TRMT61B: variants seen among roughly 807,000 people sequenced by gnomAD.
The protein encoded by TRMT61B is tRNA (adenine(58)-N(1))-methyltransferase, mitochondrial.
In TRMT61B, 56 loss-of-function variants were observed where a neutral mutation model predicts 52.0. The observed-to-expected ratio is 1.08, with a 90% CI of 0.87 to 1.35. TRMT61B has a LOEUF of 1.35. Ranked by LOEUF, TRMT61B falls within the 40% of genes most tolerant of loss-of-function variation. The probability of loss-of-function intolerance (pLI) is 0.00; values close to 1 mark genes in which losing one functional copy is unlikely to be tolerated. For missense variants in TRMT61B, 650 were observed against 577.9 expected (o/e 1.12, Z -1.28); for synonymous variants, 206 against 220.0 (o/e 0.94, Z 0.56).
chr2:28,866,345 CT>C (rs1269799910), intron 1 of TRMT61B, among the ~76,000 whole-genome samples: 1 of 152,174 alleles, frequency 6.6e-6, no homozygotes, highest in East Asian at 1.9e-4. Flanking sequence ...GGTCCCCAAC[CT>C]TTTGGGCACT....
chr2:28,857,036 C>T (rs546602109), intron 3 of TRMT61B, among the ~76,000 whole-genome samples: 8 of 151,528 alleles, frequency 5.3e-5, no homozygotes, highest in African/African-American at 1.2e-4. Flanking sequence ...TGGGTTCCAG[C>T]GATCCTCCTA....
rs1363055167 is a variant in TRMT61B at position 28,870,088 on chromosome 2, C to A, written c.190G>T (p.Ala64Ser). Residue 64 changes from alanine (A) to serine (S), a missense_variant, in exon 1 of 7, where the codon GCA becomes TCA. Physicochemically the swap from Ala to Ser is moderately conservative, Grantham distance 99 (BLOSUM62 1). Coordinates refer to ENST00000306108, the MANE Select transcript of TRMT61B (RefSeq NM_017910.4). ...HEAAQRKAPG[A>S]ESCPSLPLSI... The stretch of plus-strand genomic sequence containing the variant: ...AGAGGGAGAGATGGGCAAGACTCTG[C>A]TCCTGGGGCTTTCCTTTGTGCCGCC... The A allele has an allele frequency of 6.2e-7, 1 of 1,613,994 alleles. No individual in the cohort carries two copies. Among genetic ancestry groups the A allele is most frequent in the Non-Finnish European group, 8.5e-7 (1 of 1,179,982 alleles).
chr2:28,867,762 A>G (rs1572557417), intron 1 of TRMT61B, among the ~76,000 whole-genome samples: 1 of 152,166 alleles, frequency 6.6e-6, no homozygotes, highest in Non-Finnish European at 1.5e-5. Flanking sequence ...TTTCTTCAAG[A>G]GCTTATGATA....
rs536361068 is a variant in TRMT61B at position 28,861,065 on chromosome 2, CT to C, written c.993+52del. The stretch of plus-strand genomic sequence containing the variant: ...TGCCCATACAAAAGAAGCCTGACCC[CT>C]ATCTTCTTTATAGTCAAAGTAATAA... On this transcript the variant is annotated intron_variant, in intron 3 of 6. Transcript: ENST00000306108. 919 of 1,461,586 alleles carry C rather than the reference CT, an allele frequency of 6.3e-4. 9 individuals carry two copies. The African/African-American group carries it at 0.012, about 19-fold the overall frequency. 90.5% of individuals were successfully genotyped at this position (1,461,586 alleles called of 1,614,324 possible).
intron 1 of TRMT61B, among the ~76,000 whole-genome samples, chr2:28,869,054 T>C (rs1313542015): frequency 1.3e-5 from 2 of 152,212 alleles, no homozygotes; most frequent in South Asian, 2.1e-4. Flanking sequence ...TAATAAAGAA[T>C]AGTCATTTTA....
intron 1 of TRMT61B, among the ~76,000 whole-genome samples, chr2:28,868,670 G>T (rs1669950678): frequency 6.6e-6 from 1 of 152,214 alleles, no homozygotes; most frequent in Non-Finnish European, 1.5e-5. Flanking sequence ...TCTACTCAAG[G>T]ACTGTGACTA....
chr2:28,863,344 T>C (rs1222860124), intron 2 of TRMT61B, among the ~76,000 whole-genome samples: 1 of 150,704 alleles, frequency 6.6e-6, no homozygotes, highest in African/African-American at 2.4e-5. Flanking sequence ...GACGACAGGA[T>C]CACTTGAGTT....
At chr2:28,867,502 T>C (rs1200841177) in intron 1 of TRMT61B, among the ~76,000 whole-genome samples, 1 of 152,104 alleles carries the variant, frequency 6.6e-6, no homozygotes, top group Non-Finnish European at 1.5e-5. Context: ...GTTGTAGAAG[T>C]TGAAGTAAAA....
intron 2 of TRMT61B, among the ~76,000 whole-genome samples, chr2:28,864,730 TG>T (rs1669755466): frequency 2.6e-5 from 4 of 152,158 alleles, no homozygotes; most frequent in African/African-American, 9.7e-5. Flanking sequence ...CACACTTTTC[TG>T]TAGCCATATT....
chr2:28,862,281 A>G (rs1306975528), intron 2 of TRMT61B, among the ~76,000 whole-genome samples: 1 of 150,440 alleles, frequency 6.6e-6, no homozygotes, highest in African/African-American at 2.4e-5. Context: ...TATCTGTATC[A>G]ATCTAAAAAG....
At chr2:28,853,206 C>T (rs1363175874) in intron 3 of TRMT61B, among the ~76,000 whole-genome samples, 3 of 150,390 alleles carry the variant, frequency 2.0e-5, no homozygotes, top group Non-Finnish European at 3.0e-5. Flanking sequence ...GACAGGGTCT[C>T]GCTCTGTTGA....
intron 1 of TRMT61B, among the ~76,000 whole-genome samples, chr2:28,867,030 C>G (rs1452793765): frequency 6.6e-6 from 1 of 152,162 alleles, no homozygotes; most frequent in Middle Eastern, 3.4e-3. Context: ...AACTCCTAGC[C>G]TCCAGCAATC....
At chr2:28,851,978 A>G (rs1480301583) in intron 4 of TRMT61B, among the ~76,000 whole-genome samples, 1 of 151,746 alleles carries the variant, frequency 6.6e-6, no homozygotes, top group Non-Finnish European at 1.5e-5. Context: ...TCATTTTAAA[A>G]CAGTTGTATA....
In TRMT61B at chr2:28,862,204, CAAAAAAAAAAA is replaced by C. The variant is rs66527180; in HGVS notation, c.803-907_803-897del. On this transcript the variant is annotated intron_variant, in intron 2 of 6. Coordinates refer to ENST00000306108, the MANE Select transcript of TRMT61B (RefSeq NM_017910.4). ...TGGGTGACAGTGCAAGACTCCGTCTCAAAAAAAAAAAAAAAAAAAAAAAGAATACCTGTATC... is the reference window on the plus strand; with the variant it reads ...TGGGTGACAGTGCAAGACTCCGTCTCAAAAAAAAAAAAGAATACCTGTATC... Among the ~76,000 whole-genome samples the C allele has an allele frequency of 2.9e-3, 191 of 65,478 alleles. 1 individual carries two copies. Among genetic ancestry groups the C allele is most frequent in the Non-Finnish European group, 4.3e-3 (156 of 36,634 alleles). 43.0% of individuals were successfully genotyped at this position (65,478 alleles called of 152,430 possible).
chr2:28,861,261 G>A lies in TRMT61B; in HGVS notation c.850C>T (p.His284Tyr). ...TTGTAATTCTTCTTAGCCAGATCAT[G>A]GTGGTCTTTTCGTACCTCAAAACTT... ...VISFEVRKDH[H>Y]DLAKKNYKHW... Residue 284 changes from histidine (H) to tyrosine (Y), a missense_variant, in exon 3 of 7, where the codon CAT becomes TAT. By Grantham distance (83) the His-to-Tyr change is moderately conservative. Transcript: ENST00000306108. The A allele has an allele frequency of 6.2e-7, 1 of 1,610,736 alleles. No homozygotes were observed. Among genetic ancestry groups the A allele is most frequent in the East Asian group, 2.2e-5 (1 of 44,708 alleles).
intron 2 of TRMT61B, among the ~76,000 whole-genome samples, chr2:28,863,674 G>T (rs1003841415): frequency 6.6e-6 from 1 of 152,148 alleles, no homozygotes; most frequent in Non-Finnish European, 1.5e-5. Flanking sequence ...ATGAGAAAAT[G>T]ACTGCCTTTA....
chr2:28,860,449 C>G (rs931554005), intron 3 of TRMT61B, among the ~76,000 whole-genome samples: 2 of 152,076 alleles, frequency 1.3e-5, no homozygotes, highest in African/African-American at 4.8e-5. Context: ...GTGGCATCAC[C>G]AAGGAATTCT....
chr2:28,866,589 G>A lies in TRMT61B; in HGVS notation c.700-1470C>T, dbSNP rs149612322. On this transcript the variant is annotated intron_variant, in intron 1 of 6. Transcript: ENST00000306108. ...CAGGCAGTAATGCTCACTACCCACC[G>A]CTAACCTGCTGTGTGGCCCGGTTCC... Among the ~76,000 whole-genome samples, 597 of 152,178 alleles carry A rather than the reference G, an allele frequency of 3.9e-3. 6 individuals carry two copies. Among genetic ancestry groups the A allele is most frequent in the African/African-American group, 0.013 (544 of 41,518 alleles).
intron 3 of TRMT61B, among the ~76,000 whole-genome samples, chr2:28,860,759 C>G (rs1669566303): frequency 6.6e-6 from 1 of 152,148 alleles, no homozygotes; most frequent in South Asian, 2.1e-4. Context: ...GCTACTTATT[C>G]CCCCAAATCT....
Sources: gnomAD v4.1 joint callset for allele counts (sites outside exome capture counted in the v4.1 genomes callset) on GRCh38, gnomAD v4.1.1 for gene constraint, MANE v1.5 for transcripts, NCBI Gene and HGNC (gene_info 2026-07-23, HGNC 2026-07-21) for gene names.